The following TTC17 variants were observed in gnomAD, a reference collection of about 807,000 sequenced individuals.
The protein encoded by TTC17 is tetratricopeptide repeat protein 17.
Under a neutral mutation model 143.8 loss-of-function variants are expected in TTC17, and 58 were observed. That is an observed-to-expected ratio of 0.40 (90% CI 0.33 to 0.50). The LOEUF (loss-of-function observed/expected upper bound fraction) is 0.50, where lower values mean the gene tolerates loss of function less well. TTC17 is among the 20% of genes least tolerant of loss of function. The pLI, the probability that TTC17 is intolerant of heterozygous loss-of-function variation, is 0.49. For missense variants in TTC17, 1,273 were observed against 1,392.5 expected (o/e 0.91, Z 1.37); for synonymous variants, 501 against 497.8 (o/e 1.01, Z -0.09).
At chr11:43,469,261 G>C (rs1242540617) in intron 21 of TTC17, among the ~76,000 whole-genome samples, 2 of 152,134 alleles carry the variant, frequency 1.3e-5, no homozygotes, top group African/African-American at 4.8e-5. Context: ...ACCCTCATAT[G>C]TTGCTAGTGG....
intron 16 of TTC17, among the ~76,000 whole-genome samples, chr11:43,438,915 G>T (rs1405476720): frequency 6.6e-6 from 1 of 152,146 alleles, no homozygotes; most frequent in Non-Finnish European, 1.5e-5. Flanking sequence ...CAGGTATGAT[G>T]ATCCCAGTTT....
At chr11:43,447,938 C>T in intron 18 of TTC17, 64 bp from the exon 19 acceptor site, 1 of 1,587,024 alleles carries the variant, frequency 6.3e-7, no homozygotes, top group Non-Finnish European at 8.6e-7. Context: ...ATCACCAGGG[C>T]ATAAGGCCCT....
chr11:43,360,294 TTGG>T (rs1856046502), intron 1 of TTC17, among the ~76,000 whole-genome samples: 3 of 152,270 alleles, frequency 2.0e-5, no homozygotes, highest in African/African-American at 7.2e-5. Context: ...CGTGTTCCTA[TTGG>T]GTAACGTTTT....
chr11:43,389,543 C>T, intron 2 of TTC17, 109 bp from the exon 3 acceptor site: 1 of 1,113,292 alleles, frequency 9.0e-7, no homozygotes, highest in African/African-American at 1.6e-5. Flanking sequence ...TTCTTGTCTT[C>T]CTACATAGAG....
intron 16 of TTC17, among the ~76,000 whole-genome samples, chr11:43,427,512 C>T (rs1427753976): frequency 6.6e-6 from 1 of 152,192 alleles, no homozygotes; most frequent in Non-Finnish European, 1.5e-5. Context: ...ATACATCCTG[C>T]TTTGCTAGTT....
rs71308379 is a variant in TTC17, at chr11:43,364,047, C to CTTT, written c.159+4958_159+4960dup. ...CCGGTATCTTCGGAGTACAGATCCT[C>CTTT]TTTTTTTTTTTTTTTTTTTTTTTTT... On this transcript the variant is annotated intron_variant, in intron 1 of 23. Transcript: ENST00000039989. 2.7e-3 allele frequency among the ~76,000 whole-genome samples: 258 copies of CTTT among 94,454 alleles called. 24 individuals are homozygous for CTTT. Among genetic ancestry groups the CTTT allele is most frequent in the African/African-American group, 8.6e-3 (217 of 25,360 alleles). 62.0% of individuals were successfully genotyped at this position (94,454 alleles called of 152,430 possible).
intron 21 of TTC17, among the ~76,000 whole-genome samples, chr11:43,475,057 G>T (rs2086706): frequency 6.6e-6 from 1 of 151,798 alleles, no homozygotes. Flanking sequence ...AGCACGCTTG[G>T]TCTTTTATTG....
chr11:43,446,233 T>G, intron 18 of TTC17: 1 of 1,188,804 alleles, frequency 8.4e-7, no homozygotes, highest in Non-Finnish European at 1.1e-6. Context: ...CCCTCTGCCC[T>G]CTGCCGTGCT....
Position 43,401,470 on chromosome 11 carries a change from T to C in TTC17, c.1244T>C (p.Val415Ala). 1 of 1,612,752 alleles carries C rather than the reference T, an allele frequency of 6.2e-7. No homozygotes were observed. The change falls in exon 10 of 24, where the codon GTC (valine) becomes GCC (alanine). Residue 415 changes from valine to alanine, a missense_variant. Physicochemically the swap from Val to Ala is moderately conservative, Grantham distance 64. This residue lies in a region of TTC17 where 878 missense variants were observed against 899.8 expected (regional missense o/e 0.98). Transcript: ENST00000039989. ...GGAAATCATCAGATATGCCGACTGG[T>C]CAACCAGCAGCATAGTTTACATTGC... ...QLGNHQICRL[V>A]NQQHSLHCQW...
chr11:43,382,836 G>A (rs1369134159), intron 2 of TTC17, among the ~76,000 whole-genome samples: 2 of 152,132 alleles, frequency 1.3e-5, no homozygotes, highest in Non-Finnish European at 2.9e-5. Context: ...TTCCCCTAGA[G>A]TGGCAAACTC....
intron 1 of TTC17, among the ~76,000 whole-genome samples, chr11:43,375,700 GAGC>G (rs1856740717): frequency 6.6e-6 from 1 of 151,384 alleles, no homozygotes; most frequent in Admixed American, 6.6e-5. Flanking sequence ...TTGCACATGA[GAGC>G]TTGAATTAAT....
At chr11:43,376,034 ATAAT>A (rs1238615740) in intron 1 of TTC17, among the ~76,000 whole-genome samples, 1 of 152,222 alleles carries the variant, frequency 6.6e-6, no homozygotes, top group Non-Finnish European at 1.5e-5. Flanking sequence ...CATGTTATAT[ATAAT>A]TGGATACATG....
At chr11:43,389,599 G>T in intron 2 of TTC17, 53 bp from the exon 3 acceptor site, 1 of 1,511,404 alleles carries the variant, frequency 6.6e-7, no homozygotes, top group Non-Finnish European at 8.9e-7. Context: ...TTCAATGGTA[G>T]TTAGACTAAA....
At chr11:43,392,042 T>C in intron 5 of TTC17, 90 bp downstream of exon 5, 1 of 1,438,268 alleles carries the variant, frequency 7.0e-7, no homozygotes, top group South Asian at 1.4e-5. Context: ...AATACCTGAC[T>C]AATTTGTTTT....
rs1009857830 is a variant in TTC17 at position 43,366,067 on chromosome 11, G to T, written c.159+6954G>T. Among the ~76,000 whole-genome samples the T allele has an allele frequency of 3.3e-5, 5 of 150,018 alleles. 1 individual carries two copies. In the Admixed American group the frequency reaches 3.3e-4, roughly 10 times the overall value. ...GCAATCTCGGCTCACTACAACCTCC[G>T]CCTCCCAGGTTCAAGCAATTTTTCT... On this transcript the variant is annotated intron_variant, in intron 1 of 23. Coordinates refer to ENST00000039989, the MANE Select transcript of TTC17 (RefSeq NM_018259.6).
intron 21 of TTC17, among the ~76,000 whole-genome samples, chr11:43,473,108 G>A (rs2134837025): frequency 6.6e-6 from 1 of 151,934 alleles, no homozygotes; most frequent in East Asian, 1.9e-4. Context: ...CTGGGAAGCA[G>A]AGGTTGCAGT....
chr11:43,424,492 G>A (rs1946979253), intron 16 of TTC17, among the ~76,000 whole-genome samples: 2 of 152,074 alleles, frequency 1.3e-5, no homozygotes, highest in Non-Finnish European at 2.9e-5. Flanking sequence ...AAGGTGGCTG[G>A]GCATGGTGGC....
At chr11:43,443,229 A>G (rs1947461389) in intron 16 of TTC17, 96 bp from the exon 17 acceptor site, 1 of 1,472,532 alleles carries the variant, frequency 6.8e-7, no homozygotes, top group South Asian at 1.4e-5. Flanking sequence ...CTCTAAGCAG[A>G]GCCAAAACGT....
At chr11:43,366,080 A>G (rs1380955968) in intron 1 of TTC17, among the ~76,000 whole-genome samples, 1 of 151,536 alleles carries the variant, frequency 6.6e-6, no homozygotes, top group Non-Finnish European at 1.5e-5. Flanking sequence ...TCCCAGGTTC[A>G]AGCAATTTTT....
Sources: allele counts gnomAD v4.1 joint callset (sites outside exome capture counted in the v4.1 genomes callset), GRCh38; gene constraint gnomAD v4.1.1; regional missense constraint gnomAD v4.1.1; transcripts MANE v1.5; gene names NCBI Gene and HGNC (gene_info 2026-07-23, HGNC 2026-07-21).